Variants in PELI2 observed in about 807,000 individuals in gnomAD.
PELI2 encodes E3 ubiquitin-protein ligase pellino homolog 2.
Under a neutral mutation model 42.3 loss-of-function variants are expected in PELI2, and 23 were observed. The ratio of observed to expected loss-of-function variants is 0.54; its 90% CI spans 0.39 to 0.77. PELI2 has a LOEUF of 0.77. Among genes scored for constraint, PELI2 ranks in the 30% least tolerant of loss-of-function variants. The pLI, the probability that PELI2 is intolerant of heterozygous loss-of-function variation, is 0.00. For missense variants in PELI2, 463 were observed against 553.2 expected (o/e 0.84, Z 1.64); for synonymous variants, 245 against 212.2 (o/e 1.15, Z -1.34).
chr14:56,150,683 C>T lies in PELI2; in HGVS notation c.78-27652C>T, dbSNP rs1884315858. On this transcript the variant is annotated intron_variant, in intron 1 of 5. Transcript: ENST00000267460. ...GAAGGGCTGTCAGCTAGAAAAGTGG[C>T]AGATTTATTTGCATTGGTTGAGAAG... Among the ~76,000 whole-genome samples the T allele has an allele frequency of 2.6e-5, 4 of 152,162 alleles. No individual in the cohort carries two copies. The South Asian group carries it at 8.3e-4, about 31-fold the overall frequency.
intron 2 of PELI2, among the ~76,000 whole-genome samples, chr14:56,245,635 A>G (rs960635261): frequency 6.6e-6 from 1 of 152,140 alleles, no homozygotes; most frequent in Non-Finnish European, 1.5e-5. Flanking sequence ...TTCTTCATCT[A>G]TAAAAATGAG....
chr14:56,290,247 G>C, intron 4 of PELI2, 21 bp from the exon 5 acceptor site: 1 of 1,496,430 alleles, frequency 6.7e-7, no homozygotes. Flanking sequence ...TACTTTTTCT[G>C]TTCTGCTGTG....
intron 2 of PELI2, among the ~76,000 whole-genome samples, chr14:56,265,896 T>G (rs1204383741): frequency 6.6e-6 from 1 of 152,014 alleles, no homozygotes; most frequent in Non-Finnish European, 1.5e-5. Context: ...CAATGAGATA[T>G]CACTACACAC....
chr14:56,228,669 A>G (rs1293649819), intron 2 of PELI2, among the ~76,000 whole-genome samples: 1 of 152,232 alleles, frequency 6.6e-6, no homozygotes, highest in Non-Finnish European at 1.5e-5. Context: ...GTTCCAGTCT[A>G]CAGCTCCCAG....
intron 1 of PELI2, among the ~76,000 whole-genome samples, chr14:56,177,683 AT>A (rs1223622368): frequency 6.6e-6 from 1 of 152,214 alleles, no homozygotes; most frequent in Non-Finnish European, 1.5e-5. Flanking sequence ...CTTCTAAGTT[AT>A]TTGACAATTT....
intron 1 of PELI2, among the ~76,000 whole-genome samples, chr14:56,124,697 G>C (rs1222137729): frequency 1.3e-5 from 2 of 152,220 alleles, no homozygotes; most frequent in Non-Finnish European, 2.9e-5. Flanking sequence ...AGACCTGAAG[G>C]CTGGGATGGT....
At chr14:56,192,114 C>A (rs1885967470) in intron 2 of PELI2, among the ~76,000 whole-genome samples, 1 of 152,238 alleles carries the variant, frequency 6.6e-6, no homozygotes, top group East Asian at 1.9e-4. Context: ...CTCGGCCTCC[C>A]AAAGTGCTGG....
chr14:56,264,601 A>C (rs949325800), intron 2 of PELI2, among the ~76,000 whole-genome samples: 1 of 152,164 alleles, frequency 6.6e-6, no homozygotes, highest in Non-Finnish European at 1.5e-5. Context: ...CATAGTGGAC[A>C]CCATTGTTCT....
chr14:56,236,199 A>G (rs1887787982), intron 2 of PELI2, among the ~76,000 whole-genome samples: 1 of 152,204 alleles, frequency 6.6e-6, no homozygotes, highest in Non-Finnish European at 1.5e-5. Context: ...TTTCAAAGTA[A>G]ACATACTTGG....
Position 56,216,230 on chromosome 14 carries a change from C to T in PELI2, c.207+37766C>T, listed in dbSNP as rs758143091. Among the ~76,000 whole-genome samples, 53 of 152,116 alleles carry T rather than the reference C, an allele frequency of 3.5e-4. 2 individuals are homozygous for T. Among genetic ancestry groups the T allele is most frequent in the Non-Finnish European group, 7.1e-4 (48 of 68,010 alleles). The stretch of plus-strand genomic sequence containing the variant: ...GGGGCTCCTTGGCCAGGGAGTCAGG[C>T]AGAGGCTATTCAAGGTCAAGGGGAA... On this transcript the variant is annotated intron_variant, in intron 2 of 5. Transcript: ENST00000267460.
At chr14:56,221,685 A>AACCTTCAGACAG (rs1366410750) in intron 2 of PELI2, among the ~76,000 whole-genome samples, 5 of 152,244 alleles carry the variant, frequency 3.3e-5, no homozygotes, top group Non-Finnish European at 7.3e-5. Flanking sequence ...TACTTACGGA[A>AACCTTCAGACAG]ACCTTCAGCT....
chr14:56,198,014 C>CACA (rs1566632343), intron 2 of PELI2, among the ~76,000 whole-genome samples: 6 of 122,122 alleles, frequency 4.9e-5, no homozygotes, highest in African/African-American at 1.7e-4. Flanking sequence ...ACACACACAC[C>CACA]CACCTCTTTG....
chr14:56,198,174 A>T (rs1886208647), intron 2 of PELI2, among the ~76,000 whole-genome samples: 2 of 152,204 alleles, frequency 1.3e-5, no homozygotes, highest in Non-Finnish European at 2.9e-5. Flanking sequence ...ATGCCATTCA[A>T]GGCAAAAAAG....
chr14:56,165,551 G>A (rs1884925290), intron 1 of PELI2, among the ~76,000 whole-genome samples: 1 of 152,166 alleles, frequency 6.6e-6, no homozygotes, highest in African/African-American at 2.4e-5. Flanking sequence ...AAAAGAATGT[G>A]TATTCTGCAG....
chr14:56,262,571 A>G (rs569564808), intron 2 of PELI2, among the ~76,000 whole-genome samples: 2 of 152,352 alleles, frequency 1.3e-5, no homozygotes, highest in South Asian at 4.1e-4. Flanking sequence ...AATAAAAATA[A>G]TTCTTTACCA....
chr14:56,279,198 T>G (rs889581908), intron 2 of PELI2, among the ~76,000 whole-genome samples: 17 of 152,334 alleles, frequency 1.1e-4, no homozygotes, highest in Admixed American at 9.8e-4. Flanking sequence ...TGTATTATGA[T>G]ATTGAAATCT....
chr14:56,295,176 A>C (rs1889958567), intron 5 of PELI2, among the ~76,000 whole-genome samples: 1 of 151,956 alleles, frequency 6.6e-6, no homozygotes, highest in Non-Finnish European at 1.5e-5. Context: ...ACCCAGAGAG[A>C]GCACCAGTTG....
At chr14:56,199,701 G>A (rs8019903) in intron 2 of PELI2, among the ~76,000 whole-genome samples, 3,240 of 152,214 alleles carry the variant, frequency 0.021, 101 homozygotes, top group African/African-American at 0.073. Context: ...TTATATAAAC[G>A]GATAAGATAC....
intron 1 of PELI2, among the ~76,000 whole-genome samples, chr14:56,155,124 G>A (rs181881883): frequency 2.0e-5 from 3 of 152,232 alleles, no homozygotes; most frequent in African/African-American, 7.2e-5. Context: ...AAAGACACGA[G>A]GCTTTTGTCA....
Sources: allele counts gnomAD v4.1 joint callset (sites outside exome capture counted in the v4.1 genomes callset), GRCh38; gene constraint gnomAD v4.1.1; transcripts MANE v1.5; gene names NCBI Gene and HGNC (gene_info 2026-07-23, HGNC 2026-07-21).